The following STARD13 variants were observed in gnomAD, a reference collection of about 807,000 sequenced individuals.
The protein encoded by STARD13 is stAR-related lipid transfer protein 13.
Under a neutral mutation model 106.4 loss-of-function variants are expected in STARD13, and 62 were observed. The ratio of observed to expected loss-of-function variants is 0.58; its 90% CI spans 0.48 to 0.72. The LOEUF is 0.72. Among genes scored for constraint, STARD13 ranks in the 30% least tolerant of loss-of-function variants. The probability of loss-of-function intolerance (pLI) is 0.00; values close to 1 mark genes in which losing one functional copy is unlikely to be tolerated. For missense variants in STARD13, 1,387 were observed against 1,424.0 expected, an observed-to-expected ratio of 0.97 and a Z score of 0.42; for synonymous variants, 565 against 553.0, an observed-to-expected ratio of 1.02 and a Z score of -0.31.
At position 33,130,209 on chromosome 13, in the gene STARD13, C is replaced by T. The variant is rs114088950; in HGVS notation, c.468G>A (p.Val156=). The T allele has an allele frequency of 2.7e-3, 4,302 of 1,611,940 alleles. 83 individuals carry two copies. The African/African-American group carries it at 0.039, about 15-fold the overall frequency. ...GAGGGAGCAGCGTGTAGAGGTCGTC[C>T]ACACGAGACCACCTGCGACTGGTTC... ...FQRTSRRWSR[V]DDLYTLLPRG... is the part of the protein sequence containing the mutation. Residue 156 remains valine (V), a synonymous_variant, in exon 5 of 14, where the codon GTG becomes GTA. Coordinates refer to ENST00000336934, the MANE Select transcript of STARD13 (RefSeq NM_178006.4). The surrounding 1 kb of genome is among the most constrained non-coding windows in gnomAD (Gnocchi z 4.1).
chr13:33,435,530 A>G, the STARD13 span, among the ~76,000 whole-genome samples: 1 of 152,156 alleles, frequency 6.6e-6, no homozygotes, highest in East Asian at 1.9e-4. Context: ...TTTTTGCCTC[A>G]TGTGGCTGTA....
At chr13:33,634,591 TA>T in the STARD13 span, among the ~76,000 whole-genome samples, 1 of 152,214 alleles carries the variant, frequency 6.6e-6, no homozygotes, top group East Asian at 1.9e-4. Context: ...TCTCCTTTCT[TA>T]CATCCAAAAT....
chr13:33,140,634 T>C lies in STARD13; in HGVS notation c.387+1676A>G, dbSNP rs549625291. Among the ~76,000 whole-genome samples the C allele has an allele frequency of 2.6e-5, 4 of 152,370 alleles. No homozygotes were observed. In the South Asian group the frequency reaches 8.3e-4, roughly 32 times the overall value. On this transcript the variant is annotated intron_variant, in intron 4 of 13. Transcript: ENST00000336934. ...AAAATTCATTTGATCTTCTTTTTTT[T>C]TGGTGTTATTTTACAGCAGAAATTC... is the stretch of plus-strand genomic sequence containing the variant.
the STARD13 span, among the ~76,000 whole-genome samples, chr13:33,613,711 G>A: frequency 6.6e-6 from 1 of 152,228 alleles, no homozygotes; most frequent in African/African-American, 2.4e-5. Context: ...TGACAGGACA[G>A]GCTTTGAGCA....
At chr13:33,578,629 A>G in the STARD13 span, among the ~76,000 whole-genome samples, 22 of 152,288 alleles carry the variant, frequency 1.4e-4, no homozygotes, top group Non-Finnish European at 2.9e-4. Context: ...ATCAAATTCA[A>G]TGAAAGCAAA....
intron 1 of STARD13, among the ~76,000 whole-genome samples, chr13:33,238,177 C>G (rs776732481): frequency 2.0e-5 from 3 of 152,144 alleles, no homozygotes; most frequent in Non-Finnish European, 2.9e-5. Flanking sequence ...CACATAAAGC[C>G]CTGAGAATTC....
At chr13:33,215,120 G>GC (rs1491143259) in intron 1 of STARD13, among the ~76,000 whole-genome samples, 1 of 36,884 alleles carries the variant, frequency 2.7e-5, no homozygotes, top group East Asian at 1.0e-3. Flanking sequence ...ATGAGTACTT[G>GC]GGGGGGGGGG....
At chr13:33,276,429 T>A (rs1201266441) in intron 1 of STARD13, among the ~76,000 whole-genome samples, 1 of 152,198 alleles carries the variant, frequency 6.6e-6, no homozygotes. Context: ...TGAGTGAGAA[T>A]CGTTGGAATA....
chr13:33,214,059 G>A (rs1266867782), intron 1 of STARD13, among the ~76,000 whole-genome samples: 1 of 152,098 alleles, frequency 6.6e-6, no homozygotes, highest in Non-Finnish European at 1.5e-5. Context: ...ATACACTAGA[G>A]TTTTCACTTT....
chr13:33,553,537 A>G, the STARD13 span, among the ~76,000 whole-genome samples: 1 of 151,816 alleles, frequency 6.6e-6, no homozygotes. Flanking sequence ...TCATAGTTTG[A>G]GTAGAATTTT....
the STARD13 span, among the ~76,000 whole-genome samples, chr13:33,369,052 G>A: frequency 8.0e-5 from 12 of 150,618 alleles, no homozygotes; most frequent in African/African-American, 2.4e-4. Context: ...AGTTCAATTC[G>A]AATTTCAACT....
chr13:33,364,835 G>A, the STARD13 span, among the ~76,000 whole-genome samples: 1 of 152,186 alleles, frequency 6.6e-6, no homozygotes, highest in Non-Finnish European at 1.5e-5. Flanking sequence ...CTTGCAGTGA[G>A]CCGAGATGGC....
At chr13:33,477,346 T>C in the STARD13 span, among the ~76,000 whole-genome samples, 1 of 152,156 alleles carries the variant, frequency 6.6e-6, no homozygotes, top group Non-Finnish European at 1.5e-5. Context: ...TGATTCTAAG[T>C]CCCTTTACCA....
At chr13:33,376,509 C>T in the STARD13 span, among the ~76,000 whole-genome samples, 1 of 151,972 alleles carries the variant, frequency 6.6e-6, no homozygotes, top group Non-Finnish European at 1.5e-5. Context: ...CCCAGCTAAT[C>T]AGGAGGCTGA....
At chr13:33,575,703 G>T in the STARD13 span, among the ~76,000 whole-genome samples, 3 of 152,084 alleles carry the variant, frequency 2.0e-5, no homozygotes, top group African/African-American at 4.8e-5. Flanking sequence ...CCTCTTCTTT[G>T]CTCCTGTGTG....
chr13:33,508,611 A>C, the STARD13 span, among the ~76,000 whole-genome samples: 1 of 152,172 alleles, frequency 6.6e-6, no homozygotes, highest in African/African-American at 2.4e-5. Flanking sequence ...TGTAAATGAC[A>C]GTTCTTAAAA....
the STARD13 span, among the ~76,000 whole-genome samples, chr13:33,361,496 C>A: frequency 6.6e-6 from 1 of 152,142 alleles, no homozygotes; most frequent in Non-Finnish European, 1.5e-5. Flanking sequence ...CCTGGTCCCC[C>A]TAACTCCTGC....
the STARD13 span, among the ~76,000 whole-genome samples, chr13:33,609,085 CAA>C: frequency 5.9e-5 from 3 of 50,582 alleles, no homozygotes; most frequent in African/African-American, 9.6e-5. Context: ...GACTCCGTCT[CAA>C]AAAAAAAAAA....
chr13:33,262,958 C>T (rs373109008), intron 1 of STARD13, among the ~76,000 whole-genome samples: 317 of 152,270 alleles, frequency 2.1e-3, no homozygotes, highest in Middle Eastern at 0.01. Context: ...GTGGCAAGGC[C>T]AGCTCAAGTA....
Sources: gnomAD v4.1 joint callset for allele counts (sites outside exome capture counted in the v4.1 genomes callset) on GRCh38, gnomAD v4.1.1 for gene constraint, Gnocchi (gnomAD v3.1) non-coding constraint, MANE v1.5 for transcripts, NCBI Gene and HGNC (gene_info 2026-07-23, HGNC 2026-07-21) for gene names.